The following STXBP5L variants were observed in gnomAD, a reference collection of about 807,000 sequenced individuals.
STXBP5L encodes the protein syntaxin binding protein 5L.
STXBP5L carries 65 observed loss-of-function variants against 144.5 expected under a neutral mutation model. The ratio of observed to expected loss-of-function variants is 0.45; its 90% confidence interval spans 0.37 to 0.55. The LOEUF (loss-of-function observed/expected upper bound fraction) is 0.55, where lower values mean the gene tolerates loss of function less well. STXBP5L is among the 20% of genes least tolerant of loss of function. The probability of loss-of-function intolerance (pLI) is 0.00; values close to 1 mark genes in which losing one functional copy is unlikely to be tolerated. For missense variants in STXBP5L, 1,298 were observed against 1,405.5 expected, an observed-to-expected ratio of 0.92 and a Z score of 1.22; for synonymous variants, 505 against 469.6, an observed-to-expected ratio of 1.08 and a Z score of -0.97.
intron 6 of STXBP5L, among the ~76,000 whole-genome samples, chr3:121,115,351 G>A (rs1394453347): frequency 1.3e-5 from 2 of 152,120 alleles, no homozygotes; most frequent in African/African-American, 2.4e-5. Context: ...TTATAATCAA[G>A]CTTAGTATAG....
chr3:121,167,865 G>A (rs1051229845), intron 9 of STXBP5L, among the ~76,000 whole-genome samples: 5 of 152,180 alleles, frequency 3.3e-5, no homozygotes, highest in African/African-American at 1.2e-4. Flanking sequence ...GTGGGTCCCT[G>A]ACCCCCATGC....
chr3:121,194,418 TC>T (rs777801730), intron 9 of STXBP5L, among the ~76,000 whole-genome samples: 11 of 124,994 alleles, frequency 8.8e-5, no homozygotes, highest in South Asian at 2.7e-4. Flanking sequence ...TATTTATTTT[TC>T]AGTGCTTTTT....
intron 19 of STXBP5L, among the ~76,000 whole-genome samples, chr3:121,307,864 A>G (rs555541915): frequency 3.5e-4 from 54 of 152,182 alleles, no homozygotes; most frequent in Non-Finnish European, 5.7e-4. Flanking sequence ...AATATCTACA[A>G]CCAGATGCAT....
chr3:120,974,782 C>T (rs1251625774), intron 3 of STXBP5L, among the ~76,000 whole-genome samples: 2 of 152,094 alleles, frequency 1.3e-5, no homozygotes, highest in Non-Finnish European at 2.9e-5. Context: ...TTTCCCAGCA[C>T]CATTTATTAA....
At chr3:121,059,281 G>T (rs1243966263) in intron 5 of STXBP5L, among the ~76,000 whole-genome samples, 3 of 152,106 alleles carry the variant, frequency 2.0e-5, no homozygotes, top group Non-Finnish European at 4.4e-5. Context: ...TCAGATGGTT[G>T]TAGATGTGTG....
chr3:121,358,774 A>T (rs1334675007), intron 20 of STXBP5L, among the ~76,000 whole-genome samples: 1 of 152,160 alleles, frequency 6.6e-6, no homozygotes, highest in Non-Finnish European at 1.5e-5. Flanking sequence ...GGCTTATTTC[A>T]CTTAATAATC....
chr3:121,114,527 A>C (rs1021890747), intron 5 of STXBP5L, among the ~76,000 whole-genome samples: 1 of 152,196 alleles, frequency 6.6e-6, no homozygotes, highest in Non-Finnish European at 1.5e-5. Context: ...AAAAAAATGT[A>C]GCTTAGTGAA....
At chr3:121,203,099 T>C (rs183819549) in intron 9 of STXBP5L, among the ~76,000 whole-genome samples, 198 of 151,660 alleles carry the variant, frequency 1.3e-3, no homozygotes, top group African/African-American at 4.6e-3. Context: ...ATTGCAATAA[T>C]CTCTGTGTTC....
chr3:121,011,742 C>T (rs1234631914), intron 3 of STXBP5L, among the ~76,000 whole-genome samples: 1 of 151,116 alleles, frequency 6.6e-6, no homozygotes, highest in Non-Finnish European at 1.5e-5. Flanking sequence ...AAGCTGGACA[C>T]TTATAATGAA....
In STXBP5L at chr3:121,193,304, T is replaced by C. The variant is rs541554324; in HGVS notation, c.878-12619T>C. ...CTCACACCAGTTAGAATGGCGATCA[T>C]TAAAAAGTCAGGAAACAAGAGGTGC... On this transcript the variant is annotated intron_variant, in intron 9 of 26. Transcript: ENST00000471454. 1.3e-4 allele frequency among the ~76,000 whole-genome samples: 19 copies of C among 142,618 alleles called. 4 individuals are homozygous for C. Among genetic ancestry groups the C allele is most frequent in the African/African-American group, 3.6e-4 (14 of 38,708 alleles). 93.6% of individuals were successfully genotyped at this position (142,618 alleles called of 152,430 possible).
chr3:121,080,769 A>G (rs941504517), intron 5 of STXBP5L, among the ~76,000 whole-genome samples: 63 of 152,264 alleles, frequency 4.1e-4, no homozygotes, highest in African/African-American at 1.1e-3. Flanking sequence ...AGCTCTTAAG[A>G]TTCTTTTCTC....
chr3:121,053,602 G>T (rs1316003696), intron 5 of STXBP5L, among the ~76,000 whole-genome samples: 2 of 152,140 alleles, frequency 1.3e-5, no homozygotes, highest in Non-Finnish European at 2.9e-5. Context: ...ATGGATTAAA[G>T]ACTTAAATGT....
chr3:120,944,144 T>A (rs1202024584), intron 2 of STXBP5L, among the ~76,000 whole-genome samples: 2 of 151,516 alleles, frequency 1.3e-5, no homozygotes, highest in Non-Finnish European at 3.0e-5. Context: ...GGAAGTATGC[T>A]TGTATGTGTA....
intron 22 of STXBP5L, among the ~76,000 whole-genome samples, chr3:121,390,879 G>T (rs973767293): frequency 6.6e-6 from 1 of 151,880 alleles, no homozygotes. Context: ...TGCTCTTCTC[G>T]AGGAGTATCT....
intron 5 of STXBP5L, among the ~76,000 whole-genome samples, chr3:121,100,300 C>T (rs142978868): frequency 2.3e-4 from 35 of 152,260 alleles, no homozygotes; most frequent in African/African-American, 7.9e-4. Context: ...GATACTCACT[C>T]TTGTCTTCTG....
intron 19 of STXBP5L, among the ~76,000 whole-genome samples, chr3:121,314,970 A>G (rs2043729794): frequency 6.6e-6 from 1 of 152,172 alleles, no homozygotes; most frequent in Non-Finnish European, 1.5e-5. Context: ...GCAATCATTA[A>G]AAAGTCAGGA....
At chr3:121,117,775 C>A (rs941888276) in intron 6 of STXBP5L, among the ~76,000 whole-genome samples, 6 of 151,662 alleles carry the variant, frequency 4.0e-5, no homozygotes, top group Non-Finnish European at 8.9e-5. Flanking sequence ...CAATTAGAGG[C>A]AATTCCCAAG....
intron 5 of STXBP5L, among the ~76,000 whole-genome samples, chr3:121,084,103 T>A (rs566340386): frequency 3.3e-5 from 5 of 152,270 alleles, no homozygotes; most frequent in African/African-American, 1.2e-4. Context: ...TTTACTATTT[T>A]TTTTTACTCT....
In STXBP5L at chr3:121,381,286, T is replaced by A; in HGVS notation, c.2348-7T>A. 6.3e-7 allele frequency: 1 copy of A among 1,580,024 alleles called. No individual in the cohort carries two copies. Among genetic ancestry groups the A allele is most frequent in the Non-Finnish European group, 8.6e-7 (1 of 1,168,154 alleles). On this transcript the variant is annotated splice_region_variant and splice_polypyrimidine_tract_variant and intron_variant, in intron 21 of 26. Transcript: ENST00000471454. ...TTTGTGTGGTTTTTTTTTATTTATT[T>A]CCATAGAAAACCGAGAAAATTCCTA...
Sources: allele counts gnomAD v4.1 joint callset (sites outside exome capture counted in the v4.1 genomes callset), GRCh38; gene constraint gnomAD v4.1.1; transcripts MANE v1.5; gene names NCBI Gene and HGNC (gene_info 2026-07-23, HGNC 2026-07-21).